NR3C2: variants seen among roughly 807,000 people sequenced by gnomAD.
NR3C2 encodes nuclear receptor subfamily 3 group C member 2, also known as mineralocorticoid receptor.
NR3C2 carries 15 observed loss-of-function variants against 86.4 expected under a neutral mutation model. That is an observed-to-expected ratio of 0.17 (90% CI 0.12 to 0.27). The LOEUF is 0.27. NR3C2 is among the 10% of genes least tolerant of loss of function. The pLI, the probability that NR3C2 is intolerant of heterozygous loss-of-function variation, is 1.00. For missense variants in NR3C2, 960 were observed against 1,195.6 expected (o/e 0.80, Z 2.91); for synonymous variants, 458 against 450.5 (o/e 1.02, Z -0.21).
At chr4:148,351,515 T>C (rs761629715) in intron 2 of NR3C2, among the ~76,000 whole-genome samples, 14 of 152,148 alleles carry the variant, frequency 9.2e-5, no homozygotes, top group Non-Finnish European at 2.9e-5. Flanking sequence ...TACTTCACCT[T>C]TCAGCAGATG....
At chr4:148,182,217 C>A (rs1735678724) in intron 4 of NR3C2, among the ~76,000 whole-genome samples, 1 of 152,144 alleles carries the variant, frequency 6.6e-6, no homozygotes, top group Admixed American at 6.6e-5. Flanking sequence ...GGTTTTAATT[C>A]ATGTTTTTAA....
rs536281592 is a variant in NR3C2, at chr4:148,422,348, T to C, written c.1757+12756A>G. 2.6e-5 allele frequency among the ~76,000 whole-genome samples: 4 copies of C among 152,000 alleles called. No individual in the cohort carries two copies. The East Asian group carries it at 7.7e-4, about 29-fold the overall frequency. On this transcript the variant is annotated intron_variant, in intron 2 of 8. Coordinates refer to ENST00000358102, the MANE Select transcript of NR3C2 (RefSeq NM_000901.5). ...AAAACACCTTTGTATCATATGATCATAAATTCTTTAGTCATACCTCAAATT... is the reference window on the plus strand; with the variant it reads ...AAAACACCTTTGTATCATATGATCACAAATTCTTTAGTCATACCTCAAATT...
chr4:148,204,922 G>A (rs1736925600), intron 3 of NR3C2, among the ~76,000 whole-genome samples: 1 of 152,270 alleles, frequency 6.6e-6, no homozygotes, highest in Middle Eastern at 3.4e-3. Context: ...GCCCTTGCAA[G>A]AATTTAAAAA....
chr4:148,093,614 G>A (rs1490327775), intron 8 of NR3C2, among the ~76,000 whole-genome samples: 1 of 152,110 alleles, frequency 6.6e-6, no homozygotes, highest in Non-Finnish European at 1.5e-5. Flanking sequence ...TTGGGGTTAG[G>A]GCAAAAGATA....
chr4:148,241,688 T>C (rs1428082974), intron 3 of NR3C2, among the ~76,000 whole-genome samples: 1 of 152,206 alleles, frequency 6.6e-6, no homozygotes, highest in Non-Finnish European at 1.5e-5. Context: ...GTTTGCTTAT[T>C]TGCAAATTGT....
chr4:148,102,581 GTCA>G (rs1461747998), intron 8 of NR3C2, among the ~76,000 whole-genome samples: 1 of 152,006 alleles, frequency 6.6e-6, no homozygotes, highest in East Asian at 1.9e-4. Context: ...ATCACCAGGA[GTCA>G]TCATTCCACC....
intron 3 of NR3C2, among the ~76,000 whole-genome samples, chr4:148,232,216 C>A (rs1485823965): frequency 6.6e-6 from 1 of 152,176 alleles, no homozygotes; most frequent in Non-Finnish European, 1.5e-5. Context: ...CCAGATCCAT[C>A]AGAGGAATCA....
chr4:148,243,738 TTCA>T (rs2149851487), intron 3 of NR3C2, among the ~76,000 whole-genome samples: 1 of 152,286 alleles, frequency 6.6e-6, no homozygotes, highest in Admixed American at 6.5e-5. Context: ...CAATGACACA[TTCA>T]TAGATTAAAA....
intron 2 of NR3C2, among the ~76,000 whole-genome samples, chr4:148,402,803 A>G (rs1029326069): frequency 6.6e-6 from 1 of 152,168 alleles, no homozygotes; most frequent in African/African-American, 2.4e-5. Flanking sequence ...AATGGAAAGC[A>G]AAACAAGCTT....
intron 3 of NR3C2, 57 bp downstream of exon 3, chr4:148,259,921 A>C (rs1208072870): frequency 6.2e-7 from 1 of 1,604,424 alleles, no homozygotes; most frequent in African/African-American, 1.3e-5. Flanking sequence ...TTAGCTGTAC[A>C]AGTAAACTAC....
At chr4:148,343,319 G>A (rs1314432300) in intron 2 of NR3C2, among the ~76,000 whole-genome samples, 1 of 152,030 alleles carries the variant, frequency 6.6e-6, no homozygotes. Flanking sequence ...TAAGTAAGAG[G>A]GTTTAACCCT....
chr4:148,250,677 GT>G (rs1739531429), intron 3 of NR3C2, among the ~76,000 whole-genome samples: 1 of 152,160 alleles, frequency 6.6e-6, no homozygotes, highest in South Asian at 2.1e-4. Flanking sequence ...CTTTTTCAAA[GT>G]TTTGTCTTTC....
At chr4:148,372,992 T>C (rs1579219802) in intron 2 of NR3C2, among the ~76,000 whole-genome samples, 1 of 152,232 alleles carries the variant, frequency 6.6e-6, no homozygotes, top group Non-Finnish European at 1.5e-5. Context: ...AGAAAGTAGA[T>C]ATCTTTGAGA....
intron 2 of NR3C2, among the ~76,000 whole-genome samples, chr4:148,288,968 C>T (rs531815274): frequency 1.3e-4 from 20 of 151,880 alleles, no homozygotes; most frequent in Non-Finnish European, 2.6e-4. Flanking sequence ...CAAGTTGATG[C>T]ACAGAAAAAA....
intron 3 of NR3C2, among the ~76,000 whole-genome samples, chr4:148,246,918 G>A (rs1307162551): frequency 6.6e-6 from 1 of 152,114 alleles, no homozygotes; most frequent in Non-Finnish European, 1.5e-5. Flanking sequence ...ATTTAGTAAC[G>A]ATATTTTATA....
intron 2 of NR3C2, among the ~76,000 whole-genome samples, chr4:148,281,205 A>G (rs1218180845): frequency 6.6e-6 from 1 of 152,242 alleles, no homozygotes; most frequent in African/African-American, 2.4e-5. Flanking sequence ...TACTAAGAGC[A>G]GCAGACTTGG....
At chr4:148,319,248 G>C (rs1027317141) in intron 2 of NR3C2, among the ~76,000 whole-genome samples, 24 of 152,168 alleles carry the variant, frequency 1.6e-4, no homozygotes, top group Non-Finnish European at 3.2e-4. Context: ...CTCTGTTTTG[G>C]TACTAGTACC....
At chr4:148,181,359 A>G (rs1453049180) in intron 4 of NR3C2, among the ~76,000 whole-genome samples, 1 of 152,226 alleles carries the variant, frequency 6.6e-6, no homozygotes, top group Non-Finnish European at 1.5e-5. Context: ...TTTTTCAAGT[A>G]TCTAATGATA....
intron 2 of NR3C2, among the ~76,000 whole-genome samples, chr4:148,409,899 C>T (rs2126563532): frequency 6.6e-6 from 1 of 152,046 alleles, no homozygotes; most frequent in South Asian, 2.1e-4. Flanking sequence ...TAAAAATTCC[C>T]CTACACATAA....
Sources: allele counts gnomAD v4.1 joint callset (sites outside exome capture counted in the v4.1 genomes callset), GRCh38; gene constraint gnomAD v4.1.1; transcripts MANE v1.5; gene names NCBI Gene and HGNC (gene_info 2026-07-23, HGNC 2026-07-21).